Variants in SDK1 observed in about 807,000 individuals in gnomAD.
The protein encoded by SDK1 is sidekick cell adhesion molecule 1.
Under a neutral mutation model 245.5 loss-of-function variants are expected in SDK1, and 157 were observed. The observed-to-expected ratio is 0.64, with a 90% CI of 0.56 to 0.73. The LOEUF is 0.73. SDK1 is among the 30% of genes least tolerant of loss of function. SDK1 has a pLI of 0.00. For missense variants in SDK1, 3,583 were observed against 3,002.3 expected, an observed-to-expected ratio of 1.19 and a Z score of -4.52; for synonymous variants, 1,647 against 1,278.5, an observed-to-expected ratio of 1.29 and a Z score of -6.15.
At chr7:4,218,791 T>G (rs1256256288) in intron 38 of SDK1, among the ~76,000 whole-genome samples, 1 of 152,178 alleles carries the variant, frequency 6.6e-6, no homozygotes, top group African/African-American at 2.4e-5. Context: ...CGGTCCATCC[T>G]GGAAGTACCA....
At chr7:3,420,467 G>C (rs945018513) in intron 1 of SDK1, among the ~76,000 whole-genome samples, 2 of 152,084 alleles carry the variant, frequency 1.3e-5, no homozygotes, top group South Asian at 4.1e-4. Context: ...CTAAATATCA[G>C]GTATCTAGTT....
intron 1 of SDK1, among the ~76,000 whole-genome samples, chr7:3,570,711 C>T (rs918592053): frequency 3.9e-5 from 6 of 152,194 alleles, no homozygotes; most frequent in Non-Finnish European, 8.8e-5. Flanking sequence ...TGCAGTCTCA[C>T]GTAACGAGGC....
intron 1 of SDK1, among the ~76,000 whole-genome samples, chr7:3,324,142 C>G (rs879604293): frequency 1.3e-5 from 2 of 152,056 alleles, no homozygotes; most frequent in South Asian, 4.1e-4. Flanking sequence ...ACATTGCTGT[C>G]GTAGGGTCAG....
chr7:4,209,896 A>G, intron 37 of SDK1, 129 bp from the exon 38 acceptor site: 1 of 896,238 alleles, frequency 1.1e-6, no homozygotes, highest in Non-Finnish European at 1.6e-6. Flanking sequence ...ATTTTATGAC[A>G]TTCAGACTTT....
rs142764895 is a variant in SDK1 at position 3,872,102 on chromosome 7, T to C, written c.847+50519T>C. Among the ~76,000 whole-genome samples the C allele has an allele frequency of 3.6e-3, 544 of 152,344 alleles. 13 individuals are homozygous for C. The highest frequency in any genetic ancestry group is 0.034 in the Admixed American group (513 of 15,296). Reference sequence around the variant, plus strand: ...CTGTTAATTTGGTGAATTGCATAGATTGGTGAACTTACCTTACAATCCTTG... The same window carrying C: ...CTGTTAATTTGGTGAATTGCATAGACTGGTGAACTTACCTTACAATCCTTG... On this transcript the variant is annotated intron_variant, in intron 5 of 44. Coordinates refer to ENST00000404826, the MANE Select transcript of SDK1 (RefSeq NM_152744.4).
intron 5 of SDK1, among the ~76,000 whole-genome samples, chr7:3,857,145 A>G (rs905964217): frequency 2.0e-5 from 3 of 152,174 alleles, no homozygotes; most frequent in Non-Finnish European, 4.4e-5. Flanking sequence ...AATAGAGGAA[A>G]TCTAACAAAA....
chr7:4,185,138 A>G (rs1422840688), intron 35 of SDK1, among the ~76,000 whole-genome samples: 1 of 152,248 alleles, frequency 6.6e-6, no homozygotes, highest in Non-Finnish European at 1.5e-5. Context: ...GAGGAGATCC[A>G]GTGCGACAGT....
At chr7:4,008,514 C>T (rs2128147872) in intron 14 of SDK1, among the ~76,000 whole-genome samples, 1 of 152,360 alleles carries the variant, frequency 6.6e-6, no homozygotes, top group Non-Finnish European at 1.5e-5. Context: ...GTCATACAAT[C>T]TAAACTAATC....
rs192278566 is a variant in SDK1 at position 4,120,559 on chromosome 7, C to T, written c.3823+6285C>T. On this transcript the variant is annotated intron_variant, in intron 25 of 44. Transcript: ENST00000404826. ...TATTCAGAAAACAGCAAAGTAAATG[C>T]TATATAAAAATGAAGACAATTTAAT... Among the ~76,000 whole-genome samples, 111 of 148,804 alleles carry T rather than the reference C, an allele frequency of 7.5e-4. 8 individuals carry two copies. The highest frequency in any genetic ancestry group is 2.6e-3 in the African/African-American group (107 of 40,788).
intron 19 of SDK1, among the ~76,000 whole-genome samples, chr7:4,057,374 CCTG>C: frequency 6.6e-6 from 1 of 152,318 alleles, no homozygotes; most frequent in East Asian, 1.9e-4. Context: ...GCCCACCCAA[CCTG>C]CTGCACCATC....
chr7:4,104,014 C>T (rs1193173483), intron 22 of SDK1, among the ~76,000 whole-genome samples: 1 of 152,252 alleles, frequency 6.6e-6, no homozygotes, highest in Non-Finnish European at 1.5e-5. Flanking sequence ...AGGAAGTGGG[C>T]CAGATTCGGC....
At chr7:4,063,849 G>C (rs914113133) in intron 19 of SDK1, among the ~76,000 whole-genome samples, 15 of 152,202 alleles carry the variant, frequency 9.9e-5, no homozygotes, top group Admixed American at 2.0e-4. Context: ...TTTCGATAAA[G>C]GTGGCAGGAT....
At position 3,967,359 on chromosome 7, in the gene SDK1, G is replaced by GGA; in HGVS notation, c.1471_1472insGA (p.Val491GlyfsTer6). 1 of 1,614,170 alleles carries GGA rather than the reference G, an allele frequency of 6.2e-7. No homozygotes were observed. The highest frequency in any genetic ancestry group is 8.5e-7 in the Non-Finnish European group (1 of 1,180,010). On this transcript the variant is annotated frameshift_variant, in exon 10 of 45. Transcript: ENST00000404826. LOFTEE classifies it high-confidence loss of function. ...CACCCAGCGGCCAGTGGACACCACA[G>GGA]TTACTGACGGGATGACAGCCATTCT...
intron 18 of SDK1, among the ~76,000 whole-genome samples, chr7:4,051,154 AC>A (rs1288046274): frequency 7.1e-6 from 1 of 139,912 alleles, no homozygotes; most frequent in African/African-American, 2.6e-5. Flanking sequence ...TATAATATAT[AC>A]ATATAGTATA....
chr7:3,608,041 G>A (rs762775472), intron 1 of SDK1, among the ~76,000 whole-genome samples: 1 of 152,198 alleles, frequency 6.6e-6, no homozygotes, highest in Non-Finnish European at 1.5e-5. Context: ...AAAAGCAGTC[G>A]TGAGAAAACT....
intron 5 of SDK1, among the ~76,000 whole-genome samples, chr7:3,894,944 G>A (rs569678109): frequency 3.9e-5 from 6 of 152,036 alleles, no homozygotes; most frequent in African/African-American, 9.7e-5. Context: ...GCCTCCTGAA[G>A]TGCTGGGATT....
chr7:3,860,285 C>T (rs1055511531), intron 5 of SDK1, among the ~76,000 whole-genome samples: 6 of 152,030 alleles, frequency 3.9e-5, no homozygotes, highest in African/African-American at 1.5e-4. Flanking sequence ...ACATTTGCAA[C>T]ATAGTCAATC....
chr7:3,892,665 A>G (rs1188875381), intron 5 of SDK1, among the ~76,000 whole-genome samples: 2 of 152,200 alleles, frequency 1.3e-5, no homozygotes, highest in Non-Finnish European at 2.9e-5. Context: ...GAACAGCCAT[A>G]TTGCATTTCT....
intron 4 of SDK1, among the ~76,000 whole-genome samples, chr7:3,678,819 C>G (rs1784000610): frequency 6.6e-6 from 1 of 152,164 alleles, no homozygotes; most frequent in South Asian, 2.1e-4. Flanking sequence ...AAAAGCAATT[C>G]AGGGGAGGAA....
Sources: gnomAD v4.1 joint callset for allele counts (sites outside exome capture counted in the v4.1 genomes callset) on GRCh38, gnomAD v4.1.1 for gene constraint, MANE v1.5 for transcripts, NCBI Gene and HGNC (gene_info 2026-07-23, HGNC 2026-07-21) for gene names.